Variants in GALNTL6 observed in about 807,000 individuals in gnomAD.
The protein encoded by GALNTL6 is polypeptide N-acetylgalactosaminyltransferase like 6.
Under a neutral mutation model 73.7 loss-of-function variants are expected in GALNTL6, and 46 were observed. That is an observed-to-expected ratio of 0.62 (90% CI 0.49 to 0.80). GALNTL6 has a LOEUF of 0.80. Among genes scored for constraint, GALNTL6 ranks in the 30% least tolerant of loss-of-function variants. GALNTL6 has a pLI of 0.00. For synonymous variants in GALNTL6, 259 were observed against 263.7 expected, an observed-to-expected ratio of 0.98 and a Z score of 0.17; for missense variants, 604 against 755.0, an observed-to-expected ratio of 0.80 and a Z score of 2.34.
chr4:172,911,896 G>A (rs1406673625), intron 8 of GALNTL6, among the ~76,000 whole-genome samples: 3 of 152,188 alleles, frequency 2.0e-5, no homozygotes, highest in African/African-American at 7.2e-5. Context: ...AAGTGAGCAA[G>A]CTGTAACAGT....
intron 2 of GALNTL6, among the ~76,000 whole-genome samples, chr4:172,066,834 T>G (rs2110892680): frequency 6.6e-6 from 1 of 152,288 alleles, no homozygotes; most frequent in East Asian, 1.9e-4. Flanking sequence ...TCTAATCCAC[T>G]TGCATGCTCT....
chr4:171,831,332 G>C (rs1734964035), intron 2 of GALNTL6, among the ~76,000 whole-genome samples: 1 of 151,948 alleles, frequency 6.6e-6, no homozygotes, highest in South Asian at 2.1e-4. Flanking sequence ...GCTTTATTTG[G>C]TAGAGGCATA....
chr4:172,972,939 G>T (rs1182760449), intron 10 of GALNTL6, among the ~76,000 whole-genome samples: 1 of 152,166 alleles, frequency 6.6e-6, no homozygotes, highest in Non-Finnish European at 1.5e-5. Context: ...GCAGTTGCTT[G>T]GGCACCAAAT....
intron 10 of GALNTL6, among the ~76,000 whole-genome samples, chr4:172,991,317 A>G (rs762164421): frequency 2.0e-5 from 3 of 152,162 alleles, no homozygotes; most frequent in Non-Finnish European, 2.9e-5. Context: ...TCAATATTAC[A>G]TGAAAATCTT....
intron 3 of GALNTL6, among the ~76,000 whole-genome samples, chr4:172,298,353 C>T (rs111237509): frequency 1.3e-5 from 2 of 152,144 alleles, no homozygotes; most frequent in Non-Finnish European, 2.9e-5. Flanking sequence ...ATTTCCTTCT[C>T]CTGCCTGATT....
At chr4:172,075,373 C>T (rs935513192) in intron 2 of GALNTL6, among the ~76,000 whole-genome samples, 2 of 152,004 alleles carry the variant, frequency 1.3e-5, no homozygotes, top group Non-Finnish European at 2.9e-5. Flanking sequence ...CTTGCTCTGT[C>T]GCCCAGGCTG....
rs564264955 is a variant in GALNTL6, at chr4:172,315,364, A to C, written c.386+3612A>C. Among the ~76,000 whole-genome samples, 560 of 152,202 alleles carry C rather than the reference A, an allele frequency of 3.7e-3. 1 individual carries two copies. The highest frequency in any genetic ancestry group is 0.012 in the African/African-American group (515 of 41,550). ...CTGCAACCTCTGCCTCCCGGGTTCA[A>C]GCAATTCTCCTGCCTCAGCCTCCCA... On this transcript the variant is annotated intron_variant, in intron 4 of 12. Transcript: ENST00000506823.
chr4:172,455,952 C>T (rs1289349747), intron 5 of GALNTL6, among the ~76,000 whole-genome samples: 1 of 152,132 alleles, frequency 6.6e-6, no homozygotes, highest in African/African-American at 2.4e-5. Flanking sequence ...AGGAGAGCTC[C>T]AGCTGGCATC....
At chr4:172,954,311 A>G (rs1749608326) in intron 10 of GALNTL6, among the ~76,000 whole-genome samples, 1 of 152,232 alleles carries the variant, frequency 6.6e-6, no homozygotes, top group African/African-American at 2.4e-5. Flanking sequence ...TTCCAGGAAT[A>G]ATCAAAATCA....
intron 2 of GALNTL6, among the ~76,000 whole-genome samples, chr4:171,889,082 G>A (rs561503376): frequency 3.9e-5 from 6 of 152,104 alleles, no homozygotes; most frequent in African/African-American, 1.4e-4. Context: ...GGGGTCTCTA[G>A]TATTTAGCAG....
chr4:172,749,102 TG>T (rs1737280595), intron 5 of GALNTL6, among the ~76,000 whole-genome samples: 1 of 150,594 alleles, frequency 6.6e-6, no homozygotes, highest in Admixed American at 6.7e-5. Context: ...GTTTTTTTTT[TG>T]ATAGAGAAGA....
chr4:172,980,921 G>A (rs945721402), intron 10 of GALNTL6, among the ~76,000 whole-genome samples: 1 of 152,074 alleles, frequency 6.6e-6, no homozygotes, highest in Non-Finnish European at 1.5e-5. Context: ...ACTGTTTCAG[G>A]TACCTCACAT....
At chr4:172,272,759 G>A (rs1276713744) in intron 3 of GALNTL6, among the ~76,000 whole-genome samples, 2 of 152,266 alleles carry the variant, frequency 1.3e-5, no homozygotes, top group Non-Finnish European at 2.9e-5. Context: ...ATGGAAAAAT[G>A]TGCTTCACAA....
intron 10 of GALNTL6, among the ~76,000 whole-genome samples, chr4:173,004,486 A>G (rs1752185970): frequency 6.6e-6 from 1 of 151,976 alleles, no homozygotes; most frequent in African/African-American, 2.4e-5. Flanking sequence ...ATTAGCTGGG[A>G]GTAGTGGTGC....
chr4:172,971,145 CTCTT>C (rs1024394013), intron 10 of GALNTL6, among the ~76,000 whole-genome samples: 2 of 152,218 alleles, frequency 1.3e-5, no homozygotes, highest in Non-Finnish European at 2.9e-5. Context: ...GCTCCCTTCC[CTCTT>C]TCTGTCACCC....
At chr4:172,793,607 G>A (rs1428545324) in intron 5 of GALNTL6, among the ~76,000 whole-genome samples, 1 of 152,168 alleles carries the variant, frequency 6.6e-6, no homozygotes, top group Non-Finnish European at 1.5e-5. Flanking sequence ...TTCAAATGAA[G>A]ATAAAGAGGG....
chr4:173,010,619 G>A (rs538696172), intron 11 of GALNTL6, among the ~76,000 whole-genome samples: 2 of 151,154 alleles, frequency 1.3e-5, no homozygotes, highest in African/African-American at 2.4e-5. Flanking sequence ...GTTTTTAAAC[G>A]GAGTCTCGCT....
intron 9 of GALNTL6, among the ~76,000 whole-genome samples, chr4:172,933,142 A>C (rs1372967973): frequency 6.6e-6 from 1 of 152,182 alleles, no homozygotes; most frequent in Non-Finnish European, 1.5e-5. Context: ...AGCACATGTC[A>C]CCAATCAGCT....
intron 12 of GALNTL6, among the ~76,000 whole-genome samples, chr4:173,023,196 G>T (rs941039893): frequency 6.6e-6 from 1 of 152,166 alleles, no homozygotes; most frequent in Non-Finnish European, 1.5e-5. Context: ...GGGAGGACTG[G>T]TTATGTTACT....
Sources: allele counts gnomAD v4.1 joint callset (sites outside exome capture counted in the v4.1 genomes callset), GRCh38; gene constraint gnomAD v4.1.1; transcripts MANE v1.5; gene names NCBI Gene and HGNC (gene_info 2026-07-23, HGNC 2026-07-21).